NWD2: variants seen among roughly 807,000 people sequenced by gnomAD.
NWD2 encodes NACHT and WD repeat domain-containing protein 2.
A neutral mutation model predicts 132.7 loss-of-function variants in NWD2; 37 were observed. That is an observed-to-expected ratio of 0.28 (90% CI 0.21 to 0.37). The LOEUF is 0.37. Ranked by LOEUF, NWD2 falls within the 10% of genes least tolerant of loss-of-function variation. The probability of loss-of-function intolerance (pLI) is 1.00; values close to 1 mark genes in which losing one functional copy is unlikely to be tolerated. For missense variants in NWD2, 1,592 were observed against 2,122.4 expected, an observed-to-expected ratio of 0.75 and a Z score of 4.91; for synonymous variants, 705 against 803.0, an observed-to-expected ratio of 0.88 and a Z score of 2.06.
intron 3 of NWD2, among the ~76,000 whole-genome samples, chr4:37,364,731 T>C (rs978917032): frequency 3.5e-5 from 5 of 144,536 alleles, no homozygotes; most frequent in African/African-American, 5.5e-5. Flanking sequence ...CACACTGCCA[T>C]CAGTGGCACA....
intron 2 of NWD2, among the ~76,000 whole-genome samples, chr4:37,335,070 G>A (rs751830566): frequency 7.2e-5 from 11 of 151,894 alleles, no homozygotes; most frequent in African/African-American, 1.5e-4. Flanking sequence ...ATGTTGCTAC[G>A]GTGGTATTTT....
chr4:37,346,889 G>T (rs1370037397), intron 2 of NWD2, among the ~76,000 whole-genome samples: 1 of 151,904 alleles, frequency 6.6e-6, no homozygotes, highest in African/African-American at 2.4e-5. Context: ...TATAGAAATA[G>T]GTTTTTGTAT....
chr4:37,254,669 G>C (rs895418345), intron 1 of NWD2, among the ~76,000 whole-genome samples: 1 of 152,114 alleles, frequency 6.6e-6, no homozygotes, highest in Non-Finnish European at 1.5e-5. Context: ...GATTCATTCT[G>C]CACATTAAAG....
intron 1 of NWD2, among the ~76,000 whole-genome samples, chr4:37,310,125 A>C (rs1718800777): frequency 6.6e-6 from 1 of 152,202 alleles, no homozygotes; most frequent in African/African-American, 2.4e-5. Flanking sequence ...TCTACCATGT[A>C]CCCACAAATG....
At chr4:37,442,965 ATATTTG>A (rs887220963) in intron 6 of NWD2, among the ~76,000 whole-genome samples, 2 of 151,934 alleles carry the variant, frequency 1.3e-5, no homozygotes, top group African/African-American at 4.8e-5. Context: ...ACCATACTAG[ATATTTG>A]TATTTATAAT....
intron 1 of NWD2, 46 bp downstream of exon 1, chr4:37,245,264 G>C: frequency 4.0e-6 from 6 of 1,498,632 alleles, no homozygotes; most frequent in African/African-American, 1.4e-5. Context: ...CTGTCCGTCA[G>C]CGCTGCGGGA....
intron 1 of NWD2, among the ~76,000 whole-genome samples, chr4:37,264,077 C>G (rs1435967670): frequency 6.6e-6 from 1 of 152,052 alleles, no homozygotes; most frequent in African/African-American, 2.4e-5. Context: ...TTGGACTGAC[C>G]AACCCATTCA....
chr4:37,316,300 T>A (rs1014907855), intron 1 of NWD2, among the ~76,000 whole-genome samples: 3 of 152,122 alleles, frequency 2.0e-5, no homozygotes, highest in Non-Finnish European at 2.9e-5. Flanking sequence ...TTTCAGACTA[T>A]GTTGTTCTAT....
At chr4:37,311,278 C>T (rs1477619124) in intron 1 of NWD2, among the ~76,000 whole-genome samples, 1 of 152,164 alleles carries the variant, frequency 6.6e-6, no homozygotes, top group Admixed American at 6.5e-5. Flanking sequence ...TATTTCTCTA[C>T]ATCCTCTCCA....
chr4:37,323,587 C>A (rs1031713101), intron 1 of NWD2, among the ~76,000 whole-genome samples: 2 of 152,006 alleles, frequency 1.3e-5, no homozygotes, highest in African/African-American at 4.8e-5. Context: ...TATACACTGT[C>A]GGTGGAATTG....
At position 37,325,932 on chromosome 4, in the gene NWD2, A is replaced by G. The variant is rs1719164627; in HGVS notation, c.152-4A>G. ...CTTCCTGTGTGTTTGTCTTTCTACT[A>G]CAGATACGGGAGCAGAAAGACAGGC... On this transcript the variant is annotated splice_polypyrimidine_tract_variant and splice_region_variant and intron_variant, in intron 1 of 6. Transcript: ENST00000309447. The G allele has an allele frequency of 6.5e-7, 1 of 1,530,292 alleles. No individual in the cohort carries two copies. The highest frequency in any genetic ancestry group is 8.9e-7 in the Non-Finnish European group (1 of 1,128,668). 94.8% of individuals were successfully genotyped at this position (1,530,292 alleles called of 1,614,324 possible).
At chr4:37,391,634 A>T (rs1172656686) in intron 3 of NWD2, among the ~76,000 whole-genome samples, 1 of 152,048 alleles carries the variant, frequency 6.6e-6, no homozygotes, top group African/African-American at 2.4e-5. Context: ...GCATGGGTGA[A>T]ATGGGTATGT....
intron 4 of NWD2, among the ~76,000 whole-genome samples, chr4:37,431,918 T>C (rs1220168901): frequency 6.6e-6 from 1 of 152,056 alleles, no homozygotes; most frequent in Admixed American, 6.6e-5. Context: ...TTAATATTGG[T>C]ATTATTAAAC....
chr4:37,434,601 G>A (rs1712264576), intron 5 of NWD2, among the ~76,000 whole-genome samples: 1 of 151,920 alleles, frequency 6.6e-6, no homozygotes, highest in African/African-American at 2.4e-5. Flanking sequence ...TTTAGATGAG[G>A]TGGGCAAAAA....
At chr4:37,335,300 C>CGGGG (rs5857563) in intron 2 of NWD2, among the ~76,000 whole-genome samples, 1 of 62,326 alleles carries the variant, frequency 1.6e-5, no homozygotes, top group Non-Finnish European at 3.0e-5. Context: ...GGGGGGTGGG[C>CGGGG]GGGGGGGGGG....
chr4:37,369,575 C>G (rs967896775), intron 3 of NWD2, among the ~76,000 whole-genome samples: 1 of 152,122 alleles, frequency 6.6e-6, no homozygotes, highest in Admixed American at 6.5e-5. Context: ...GAATAAAGAA[C>G]AAGTTGAATC....
chr4:37,352,836 G>A (rs534334977), intron 2 of NWD2, among the ~76,000 whole-genome samples: 14 of 152,244 alleles, frequency 9.2e-5, no homozygotes, highest in Middle Eastern at 3.4e-3. Context: ...TTTAATTGGG[G>A]CATTTAGCCC....
intron 2 of NWD2, among the ~76,000 whole-genome samples, chr4:37,348,104 A>G (rs1719673357): frequency 6.6e-6 from 1 of 152,222 alleles, no homozygotes; most frequent in African/African-American, 2.4e-5. Flanking sequence ...AAAATGGAGT[A>G]TGATCCCTAG....
At chr4:37,285,699 T>C (rs975341548) in intron 1 of NWD2, among the ~76,000 whole-genome samples, 7 of 152,038 alleles carry the variant, frequency 4.6e-5, no homozygotes, top group African/African-American at 7.3e-5. Context: ...AATATATTTT[T>C]ACTTTATTTA....
Sources: allele counts gnomAD v4.1 joint callset (sites outside exome capture counted in the v4.1 genomes callset), GRCh38; gene constraint gnomAD v4.1.1; transcripts MANE v1.5; gene names NCBI Gene and HGNC (gene_info 2026-07-23, HGNC 2026-07-21).